The following DNAH11 variants were observed in gnomAD, a reference collection of about 807,000 sequenced individuals.
DNAH11 encodes the protein axonemal beta dynein heavy chain 11.
A neutral mutation model predicts 526.0 loss-of-function variants in DNAH11; 442 were observed. The ratio of observed to expected loss-of-function variants is 0.84; its 90% CI spans 0.78 to 0.91. DNAH11 has a LOEUF of 0.91. DNAH11 is among the 40% of genes least tolerant of loss of function. The probability of loss-of-function intolerance (pLI) is 0.00; values close to 1 mark genes in which losing one functional copy is unlikely to be tolerated. For synonymous variants in DNAH11, 2,461 were observed against 1,935.9 expected (o/e 1.27, Z -7.12); for missense variants, 6,989 against 5,448.7 (o/e 1.28, Z -8.90).
chr7:21,691,897 CTCT>C (rs1783647082), intron 35 of DNAH11, among the ~76,000 whole-genome samples: 2 of 152,040 alleles, frequency 1.3e-5, no homozygotes, highest in South Asian at 4.1e-4. Flanking sequence ...TGAAAAATTA[CTCT>C]TATTTCAGAA....
At chr7:21,865,696 G>A (rs1783248467) in intron 70 of DNAH11, among the ~76,000 whole-genome samples, 1 of 152,176 alleles carries the variant, frequency 6.6e-6, no homozygotes, top group Admixed American at 6.5e-5. Context: ...CCCCAAGAGA[G>A]GTTCTTGGAT....
chr7:21,568,586 C>T (rs1363412680), intron 6 of DNAH11, among the ~76,000 whole-genome samples: 1 of 152,072 alleles, frequency 6.6e-6, no homozygotes, highest in Non-Finnish European at 1.5e-5. Context: ...CATTAAGTGC[C>T]ATCTTAGGAG....
At chr7:21,714,476 G>A (rs554055864) in intron 42 of DNAH11, among the ~76,000 whole-genome samples, 5 of 152,122 alleles carry the variant, frequency 3.3e-5, no homozygotes, top group Non-Finnish European at 7.4e-5. Flanking sequence ...CCTCTCCATA[G>A]TTATTGGAGA....
Position 21,681,871 on chromosome 7 carries a change from G to C in DNAH11, c.5460+194G>C, listed in dbSNP as rs1583589705. 62 of 736,516 alleles carry C rather than the reference G, an allele frequency of 8.4e-5. 1 individual carries two copies. The East Asian group carries it at 1.7e-3, about 20-fold the overall frequency. 45.6% of individuals were successfully genotyped at this position (736,516 alleles called of 1,614,324 possible). A position where few individuals can be genotyped will look rare whatever the true frequency, so the allele number is the denominator to read the frequency against. On this transcript the variant is annotated intron_variant, in intron 31 of 81. Transcript: ENST00000409508. ...ATTATTCTGATGAGACCTATTCCAA[G>C]TGATATCCCAAAAGGTTTTGCCAAG...
chr7:21,623,611 T>G (rs1160158380), intron 25 of DNAH11, among the ~76,000 whole-genome samples: 1 of 151,934 alleles, frequency 6.6e-6, no homozygotes, highest in Non-Finnish European at 1.5e-5. Flanking sequence ...GTGGCACATA[T>G]ACACCATGGA....
At chr7:21,803,025 C>G (rs140122053) in intron 62 of DNAH11, among the ~76,000 whole-genome samples, 1 of 151,390 alleles carries the variant, frequency 6.6e-6, no homozygotes, top group African/African-American at 2.4e-5. Flanking sequence ...AATTATATCT[C>G]AATAAAGCAG....
chr7:21,831,250 A>G (rs1221459803), intron 65 of DNAH11, among the ~76,000 whole-genome samples: 1 of 152,062 alleles, frequency 6.6e-6, no homozygotes, highest in East Asian at 1.9e-4. Context: ...AGAAGTCATA[A>G]CCTCTGGATT....
At chr7:21,722,242 C>T (rs542871555) in intron 44 of DNAH11, among the ~76,000 whole-genome samples, 3 of 152,272 alleles carry the variant, frequency 2.0e-5, no homozygotes, top group African/African-American at 4.8e-5. Flanking sequence ...CCCAAAGTCA[C>T]GCTGATGGGA....
At chr7:21,871,839 T>C (rs1001154343) in intron 73 of DNAH11, among the ~76,000 whole-genome samples, 2 of 151,332 alleles carry the variant, frequency 1.3e-5, no homozygotes, top group African/African-American at 4.8e-5. Flanking sequence ...AGACCCTTCA[T>C]TGGCAGGATG....
At chr7:21,789,471 G>T in intron 61 of DNAH11, 129 bp downstream of exon 61, 2 of 605,734 alleles carry the variant, frequency 3.3e-6, no homozygotes, top group Middle Eastern at 2.7e-4. Flanking sequence ...TTCCATGAGT[G>T]TATTTCCTTA....
At chr7:21,625,157 C>T (rs1162075453) in intron 25 of DNAH11, among the ~76,000 whole-genome samples, 1 of 151,972 alleles carries the variant, frequency 6.6e-6, no homozygotes, top group Admixed American at 6.6e-5. Flanking sequence ...GTGAAGCCCT[C>T]CTGTCCTAGG....
chr7:21,862,526 A>G (rs1757193270), intron 69 of DNAH11, among the ~76,000 whole-genome samples: 1 of 152,224 alleles, frequency 6.6e-6, no homozygotes, highest in South Asian at 2.1e-4. Context: ...TTTAAATCTC[A>G]TCACAAAAAA....
At chr7:21,716,710 C>T (rs113773959) in intron 42 of DNAH11, among the ~76,000 whole-genome samples, 10 of 152,246 alleles carry the variant, frequency 6.6e-5, no homozygotes, top group South Asian at 2.1e-4. Flanking sequence ...CATTGTTCCG[C>T]GGTTCCCACT....
At chr7:21,830,681 T>TAA (rs145857793) in intron 65 of DNAH11, among the ~76,000 whole-genome samples, 29 of 149,458 alleles carry the variant, frequency 1.9e-4, no homozygotes, top group Middle Eastern at 3.5e-3. Context: ...TTTAGGTCCA[T>TAA]AAAAAAAAAA....
chr7:21,825,987 G>A (rs1435871017), intron 65 of DNAH11, among the ~76,000 whole-genome samples: 1 of 151,422 alleles, frequency 6.6e-6, no homozygotes, highest in African/African-American at 2.4e-5. Flanking sequence ...GTGTTTTGAT[G>A]GAATAATAGA....
intron 43 of DNAH11, among the ~76,000 whole-genome samples, chr7:21,719,338 A>G (rs1784787832): frequency 6.6e-6 from 1 of 152,216 alleles, no homozygotes; most frequent in Non-Finnish European, 1.5e-5. Flanking sequence ...CGCCTCTTTA[A>G]GTTTGGTAAG....
In DNAH11 at chr7:21,873,388, C is replaced by A; in HGVS notation, c.12082C>A (p.Pro4028Thr). 4 of 1,613,942 alleles carry A rather than the reference C, an allele frequency of 2.5e-6. No homozygotes were observed. Among genetic ancestry groups the A allele is most frequent in the Non-Finnish European group, 2.5e-6 (3 of 1,179,852 alleles). The change falls in exon 74 of 82, where the codon CCA becomes ACA. Residue 4028 changes from proline to threonine, a missense_variant. Pro to Thr is a conservative substitution (Grantham distance 38, BLOSUM62 -1). Coordinates refer to ENST00000409508, the MANE Select transcript of DNAH11 (RefSeq NM_001277115.2). ...CATGAGTGCTGAGTCTGCACCTACA[C>A]CAGATGAGCATATCATCCCTCAAGG... Reference protein sequence around the residue: ...VFMSAESAPTPDEHIIPQGLL... With the variant: ...VFMSAESAPTTDEHIIPQGLL...
Position 21,818,337 on chromosome 7 carries a change from A to C in DNAH11, c.10689A>C (p.Gly3563=). The C allele has an allele frequency of 1.2e-6, 2 of 1,606,156 alleles. No homozygotes were observed. Among genetic ancestry groups the C allele is most frequent in the Non-Finnish European group, 1.7e-6 (2 of 1,177,442 alleles). The change falls in exon 65 of 82, where the codon GGA becomes GGC. Residue 3563 remains glycine (G), a splice_region_variant and synonymous_variant. Coordinates refer to ENST00000409508, the MANE Select transcript of DNAH11 (RefSeq NM_001277115.2). ...PLLGRNTIKK[G]KYIRIGDKEC... ...TTGGCAGGAACACAATTAAAAAAGG[A>C]AAGTAAGTATTCTTGAATTTTTAAC...
At chr7:21,852,715 TA>T (rs369404520) in intron 67 of DNAH11, 84 bp downstream of exon 67, 1 of 1,412,538 alleles carries the variant, frequency 7.1e-7, no homozygotes, top group African/African-American at 1.4e-5. Context: ...TCAGACTTGG[TA>T]ATTCCTCTAA....
Sources: gnomAD v4.1 joint callset for allele counts (sites outside exome capture counted in the v4.1 genomes callset) on GRCh38, gnomAD v4.1.1 for gene constraint, MANE v1.5 for transcripts, NCBI Gene and HGNC (gene_info 2026-07-23, HGNC 2026-07-21) for gene names.